ANKRD11: variants seen among roughly 807,000 people sequenced by gnomAD.
ANKRD11 encodes ankyrin repeat domain 11.
A neutral mutation model predicts 195.7 loss-of-function variants in ANKRD11; 17 were observed. The observed-to-expected ratio is 0.09, with a 90% confidence interval of 0.06 to 0.13. The LOEUF (loss-of-function observed/expected upper bound fraction) is 0.13. Ranked by LOEUF, ANKRD11 falls within the 10% of genes least tolerant of loss-of-function variation. ANKRD11 has a pLI of 1.00. For missense variants in ANKRD11, 3,735 were observed against 3,566.1 expected, an observed-to-expected ratio of 1.05 and a Z score of -1.21; for synonymous variants, 1,953 against 1,528.1, an observed-to-expected ratio of 1.28 and a Z score of -6.49.
chr16:89,281,639 G>A lies in ANKRD11; in HGVS notation c.4903C>T (p.Leu1635=). 1 of 1,614,198 alleles carries A rather than the reference G, an allele frequency of 6.2e-7. No individual in the cohort carries two copies. Among genetic ancestry groups the A allele is most frequent in the Non-Finnish European group, 8.5e-7 (1 of 1,180,028 alleles). ...KPADDGRKKG[L]DIPAKKPPGL... The stretch of plus-strand genomic sequence containing the variant: ...GGCGGTTTCTTAGCAGGAATGTCCA[G>A]ACCCTTCTTCCGCCCGTCGTCTGCC... The change falls in exon 9 of 13, where the codon CTG becomes TTG. Residue 1635 remains leucine, a synonymous_variant. Transcript: ENST00000301030. The surrounding 1 kb of genome is among the most constrained non-coding windows in gnomAD (Gnocchi z 5.5).
chr16:89,455,222 T>G (rs948178587), intron 1 of ANKRD11, among the ~76,000 whole-genome samples: 3 of 146,318 alleles, frequency 2.1e-5, no homozygotes, highest in African/African-American at 7.7e-5. Context: ...CTTCTAGGGT[T>G]CCTCAAGCTG....
At chr16:89,422,672 G>A (rs1213838576) in intron 1 of ANKRD11, among the ~76,000 whole-genome samples, 1 of 152,200 alleles carries the variant, frequency 6.6e-6, no homozygotes, top group African/African-American at 2.4e-5. Context: ...ACAGCCACGA[G>A]CACCGTCCGA....
intron 1 of ANKRD11, among the ~76,000 whole-genome samples, chr16:89,463,161 G>A (rs1168902735): frequency 1.3e-5 from 2 of 152,168 alleles, no homozygotes; most frequent in African/African-American, 2.4e-5. Flanking sequence ...CCACCACCCC[G>A]TCTGGGAGGT....
chr16:89,391,522 G>A (rs373540238), intron 2 of ANKRD11, among the ~76,000 whole-genome samples: 4 of 152,298 alleles, frequency 2.6e-5, no homozygotes, highest in African/African-American at 9.6e-5. Flanking sequence ...CGTCTTTTGC[G>A]TTTTCTGTGT....
At chr16:89,479,962 C>G (rs12932468) in intron 1 of ANKRD11, among the ~76,000 whole-genome samples, 1 of 143,908 alleles carries the variant, frequency 6.9e-6, no homozygotes, top group Non-Finnish European at 1.5e-5. Flanking sequence ...AAAAAAAAAA[C>G]TAGCCGGGCG....
intron 1 of ANKRD11, among the ~76,000 whole-genome samples, chr16:89,479,192 C>G (rs530704229): frequency 6.6e-6 from 1 of 151,794 alleles, no homozygotes; most frequent in African/African-American, 2.4e-5. Flanking sequence ...TAACTGACGT[C>G]AAGAGAGTGC....
At position 89,291,186 on chromosome 16, in the gene ANKRD11, G is replaced by A; in HGVS notation, c.227-3C>T. 2 of 1,613,430 alleles carry A rather than the reference G, an allele frequency of 1.2e-6. No homozygotes were observed. The highest frequency in any genetic ancestry group is 1.7e-6 in the Non-Finnish European group (2 of 1,179,934). On this transcript the variant is annotated splice_polypyrimidine_tract_variant and splice_region_variant and intron_variant, in intron 4 of 12. Transcript: ENST00000301030. The surrounding 1 kb of genome is among the most constrained non-coding windows in gnomAD (Gnocchi z 5.3). Reference sequence around the variant, plus strand: ...CTTCCGCTCAGGGCCCTGCTTCTCTGTGAGGCGGGCGAGGGAGAGAGGGAG... The same window carrying A: ...CTTCCGCTCAGGGCCCTGCTTCTCTATGAGGCGGGCGAGGGAGAGAGGGAG...
intron 2 of ANKRD11, among the ~76,000 whole-genome samples, chr16:89,406,303 C>T (rs1240581226): frequency 6.6e-6 from 1 of 152,154 alleles, no homozygotes; most frequent in African/African-American, 2.4e-5. Flanking sequence ...ACGGCACTGA[C>T]AGAAGCACAG....
chr16:89,453,888 C>T (rs2056308512), intron 1 of ANKRD11, among the ~76,000 whole-genome samples: 1 of 152,200 alleles, frequency 6.6e-6, no homozygotes, highest in South Asian at 2.1e-4. Flanking sequence ...CCACTCCCAA[C>T]TTCTAACTTC....
rs370006772 is a variant in ANKRD11, at chr16:89,280,429, T to G, written c.6113A>C (p.Lys2038Thr). 9.4e-5 allele frequency: 148 copies of G among 1,579,126 alleles called. No homozygotes were observed. Among genetic ancestry groups the G allele is most frequent in the Non-Finnish European group, 1.2e-4 (138 of 1,161,810 alleles). Residue 2038 changes from lysine (K) to threonine (T), a missense_variant, in exon 9 of 13, where the codon AAG becomes ACG. By Grantham distance (78) the Lys-to-Thr change is moderately conservative. Coordinates refer to ENST00000301030, the MANE Select transcript of ANKRD11 (RefSeq NM_013275.6). The stretch of plus-strand genomic sequence containing the variant: ...GGCGGGGACGGCGTCCACTCCGTCC[T>G]TGACGTCCTCCAGCCCCGGCTCAGC... Reference protein sequence around the residue: ...PVAEPGLEDVKDGVDAVPAAI... With the variant: ...PVAEPGLEDVTDGVDAVPAAI...
chr16:89,435,841 C>T (rs545741112), intron 1 of ANKRD11, among the ~76,000 whole-genome samples: 3 of 151,742 alleles, frequency 2.0e-5, no homozygotes, highest in African/African-American at 4.8e-5. Flanking sequence ...CACACGCTTT[C>T]GGTCTGTTCG....
chr16:89,462,462 C>T (rs371705142), intron 1 of ANKRD11, among the ~76,000 whole-genome samples: 2 of 152,234 alleles, frequency 1.3e-5, no homozygotes, highest in African/African-American at 4.8e-5. Flanking sequence ...CCCAAAGTGC[C>T]GAGACTGCAA....
intron 1 of ANKRD11, among the ~76,000 whole-genome samples, chr16:89,423,585 G>A (rs2042599727): frequency 6.6e-6 from 1 of 152,200 alleles, no homozygotes; most frequent in South Asian, 2.1e-4. Context: ...ACAAGGTGGT[G>A]CCTGCAGCAG....
At chr16:89,366,254 C>T (rs2039946401) in intron 2 of ANKRD11, among the ~76,000 whole-genome samples, 2 of 152,008 alleles carry the variant, frequency 1.3e-5, no homozygotes, top group Non-Finnish European at 2.9e-5. Flanking sequence ...ATGTGGATTC[C>T]ATGTCTTCTT....
In ANKRD11 at chr16:89,390,268, G is replaced by A. The variant is rs1165235892; in HGVS notation, c.-60+28016C>T. Among the ~76,000 whole-genome samples, 4 of 144,282 alleles carry A rather than the reference G, an allele frequency of 2.8e-5. No individual in the cohort carries two copies. The East Asian group carries it at 8.4e-4, about 30-fold the overall frequency. The allele number at this position is 144,282 out of a possible 152,430, so 94.7% of individuals were successfully genotyped here. A position where few individuals can be genotyped will look rare whatever the true frequency, so the allele number is the denominator to read the frequency against. On this transcript the variant is annotated intron_variant, in intron 2 of 12. Transcript: ENST00000301030. The stretch of plus-strand genomic sequence containing the variant: ...CACTGGGGCGAACACCGAGTGTGGC[G>A]GGGAGCACCGAGAGAGAAGATCACT...
At chr16:89,432,236 TACACACACACACACACAC>T (rs59807718) in intron 1 of ANKRD11, among the ~76,000 whole-genome samples, 13 of 142,944 alleles carry the variant, frequency 9.1e-5, no homozygotes, top group Admixed American at 3.5e-4. Flanking sequence ...CGTGATGCAG[TACACACACACACACACAC>T]ACACACACAC....
Position 89,284,599 on chromosome 16 carries a change from A to G in ANKRD11, c.1943T>C (p.Ile648Thr), listed in dbSNP as rs1473524289. The G allele has an allele frequency of 6.2e-7, 1 of 1,614,034 alleles. No homozygotes were observed. Among genetic ancestry groups the G allele is most frequent in the Non-Finnish European group, 8.5e-7 (1 of 1,180,050 alleles). ...HKNKEKGQCS[I>T]SQELKLKSFT... ...ACTTTTCAACTTCAGCTCTTGGCTGATGGAACACTGTCCCTTCTCCTTGTT... is the reference window on the plus strand; with the variant it reads ...ACTTTTCAACTTCAGCTCTTGGCTGGTGGAACACTGTCCCTTCTCCTTGTT... Residue 648 changes from isoleucine to threonine, a missense_variant, in exon 9 of 13, where the codon ATC becomes ACC. Transcript: ENST00000301030.
intron 1 of ANKRD11, among the ~76,000 whole-genome samples, chr16:89,428,582 A>G (rs1567791775): frequency 6.6e-6 from 1 of 151,618 alleles, no homozygotes; most frequent in Non-Finnish European, 1.5e-5. Flanking sequence ...CCAACATAAC[A>G]TTATTTCCTT....
chr16:89,381,777 G>A (rs1001757367), intron 2 of ANKRD11, among the ~76,000 whole-genome samples: 1 of 152,140 alleles, frequency 6.6e-6, no homozygotes, highest in Non-Finnish European at 1.5e-5. Context: ...TACACTTTGT[G>A]AACAAGTGTT....
Sources: gnomAD v4.1 joint callset for allele counts (sites outside exome capture counted in the v4.1 genomes callset) on GRCh38, gnomAD v4.1.1 for gene constraint, Gnocchi (gnomAD v3.1) non-coding constraint, MANE v1.5 for transcripts, NCBI Gene and HGNC (gene_info 2026-07-23, HGNC 2026-07-21) for gene names.